FRYL: variants seen among roughly 807,000 people sequenced by gnomAD.
FRYL encodes FRY like transcription coactivator, also known as protein furry homolog-like.
In FRYL, 150 loss-of-function variants were observed where a neutral mutation model predicts 351.2. The observed-to-expected ratio is 0.43, with a 90% CI of 0.37 to 0.49. The LOEUF is 0.49. Among genes scored for constraint, FRYL ranks in the 20% least tolerant of loss-of-function variants. FRYL has a pLI of 0.00. For synonymous variants in FRYL, 1,153 were observed against 1,257.1 expected, an observed-to-expected ratio of 0.92 and a Z score of 1.75; for missense variants, 3,036 against 3,619.3, an observed-to-expected ratio of 0.84 and a Z score of 4.13.
chr4:48,535,163 A>G (rs1577988851), intron 48 of FRYL, among the ~76,000 whole-genome samples: 1 of 152,168 alleles, frequency 6.6e-6, no homozygotes, highest in Non-Finnish European at 1.5e-5. Flanking sequence ...TGTATCATCA[A>G]ACTAAAAACT....
rs563335360 is a variant in FRYL at position 48,593,825 on chromosome 4, A to G, written c.1335+105T>C. 85 of 517,174 alleles carry G rather than the reference A, an allele frequency of 1.6e-4. 1 individual carries two copies. The East Asian group carries it at 2.9e-3, about 18-fold the overall frequency. The allele number at this position is 517,174 out of a possible 1,614,324, so 32.0% of individuals were successfully genotyped here. ...TAACTTGTCCTGGATCACAGCTACT[A>G]TTAGAAGTAGAGCTGGGATTTGAAC... On this transcript the variant is annotated intron_variant, in intron 16 of 63. Coordinates refer to ENST00000358350, the MANE Select transcript of FRYL (RefSeq NM_015030.2).
chr4:48,688,064 T>A (rs1466168560), intron 2 of FRYL, among the ~76,000 whole-genome samples: 1 of 152,156 alleles, frequency 6.6e-6, no homozygotes, highest in Admixed American at 6.5e-5. Flanking sequence ...AAACTCTAAA[T>A]CTAACTTCAA....
At chr4:48,515,953 C>T (rs562404649) in intron 55 of FRYL, among the ~76,000 whole-genome samples, 36 of 152,030 alleles carry the variant, frequency 2.4e-4, no homozygotes, top group Admixed American at 1.4e-3. Context: ...CAGTATATTC[C>T]GGATATAAGT....
At chr4:48,576,296 C>A in intron 23 of FRYL, 74 bp from the exon 24 acceptor site, 2 of 1,116,684 alleles carry the variant, frequency 1.8e-6, no homozygotes, top group South Asian at 1.9e-5. Context: ...TTAACTAATG[C>A]TAAATTTCTT....
intron 1 of FRYL, among the ~76,000 whole-genome samples, chr4:48,755,988 C>A (rs1773733366): frequency 6.6e-6 from 1 of 150,888 alleles, no homozygotes; most frequent in African/African-American, 2.4e-5. Context: ...AATCCCAGAA[C>A]TTTGGGAGGC....
At chr4:48,725,328 A>G (rs181858494) in intron 1 of FRYL, among the ~76,000 whole-genome samples, 85 of 152,312 alleles carry the variant, frequency 5.6e-4, no homozygotes, top group Non-Finnish European at 9.3e-4. Flanking sequence ...ACCAACTGCA[A>G]TCTTCAACAG....
chr4:48,499,424 A>C lies in FRYL; in HGVS notation c.9040T>G (p.Ter3014GlyextTer6), dbSNP rs1163532817. Residue 3014 changes from the stop codon to glycine, a stop_lost, in exon 64 of 64, where the codon TGA becomes GGA. Coordinates refer to ENST00000358350, the MANE Select transcript of FRYL (RefSeq NM_015030.2). The stretch of plus-strand genomic sequence containing the variant: ...CTTTCCTAAAGGCCTGAAGTGTCTC[A>C]GAATCCAGTGCTCACCATATTTCCC... ...PMGNMVSTGF* is the reference protein window; with the variant it reads ...PMGNMVSTGFG 3 of 1,613,758 alleles carry C rather than the reference A, an allele frequency of 1.9e-6. No individual in the cohort carries two copies. The highest frequency in any genetic ancestry group is 2.5e-6 in the Non-Finnish European group (3 of 1,179,778).
In FRYL at chr4:48,718,542, C is replaced by T. The variant is rs144652534; in HGVS notation, c.-383-7844G>A. 2.6e-4 allele frequency among the ~76,000 whole-genome samples: 39 copies of T among 151,604 alleles called. 1 individual carries two copies. Among genetic ancestry groups the T allele is most frequent in the African/African-American group, 8.7e-4 (36 of 41,458 alleles). ...TACACTACTATTATTCCATGTCACA[C>T]TCTAAAGTGTGAAAATTGACCCTAT... On this transcript the variant is annotated intron_variant, in intron 1 of 63. Coordinates refer to ENST00000358350, the MANE Select transcript of FRYL (RefSeq NM_015030.2).
intron 15 of FRYL, among the ~76,000 whole-genome samples, chr4:48,594,929 A>T (rs1490528428): frequency 6.9e-6 from 1 of 144,780 alleles, no homozygotes; most frequent in Non-Finnish European, 1.5e-5. Context: ...CTAAACTTGT[A>T]CTTCCCAGGA....
At chr4:48,577,841 A>G (rs1352003014) in intron 23 of FRYL, among the ~76,000 whole-genome samples, 1 of 151,886 alleles carries the variant, frequency 6.6e-6, no homozygotes, top group East Asian at 1.9e-4. Flanking sequence ...ACACCTCTGC[A>G]TTCCAGCCTA....
chr4:48,596,144 G>C (rs1744538994), intron 13 of FRYL, 144 bp from the exon 14 acceptor site: 3 of 558,818 alleles, frequency 5.4e-6, no homozygotes. Flanking sequence ...ATTTGGTATA[G>C]GGTAAATATA....
Position 48,619,254 on chromosome 4 carries a change from G to T in FRYL, c.411+20C>A. On this transcript the variant is annotated intron_variant, in intron 7 of 63. Transcript: ENST00000358350. The stretch of plus-strand genomic sequence containing the variant: ...GCAAAGAATAAGGAATACAGACTTT[G>T]CAGAAATAAAAGAGCTTACCTGCTT... 4 of 1,474,388 alleles carry T rather than the reference G, an allele frequency of 2.7e-6. No homozygotes were observed. The highest frequency in any genetic ancestry group is 3.8e-6 in the Non-Finnish European group (4 of 1,054,618). The allele number at this position is 1,474,388 out of a possible 1,614,324, so 91.3% of individuals were successfully genotyped here.
chr4:48,755,593 T>C (rs1483712692), intron 1 of FRYL, among the ~76,000 whole-genome samples: 1 of 152,150 alleles, frequency 6.6e-6, no homozygotes, highest in African/African-American at 2.4e-5. Context: ...CCTTATATGT[T>C]CTCCTGACCC....
chr4:48,648,277 T>C (rs778307004), intron 3 of FRYL, among the ~76,000 whole-genome samples: 1 of 152,186 alleles, frequency 6.6e-6, no homozygotes, highest in African/African-American at 2.4e-5. Context: ...CTATTTATTT[T>C]AGGATTAAGA....
intron 2 of FRYL, among the ~76,000 whole-genome samples, chr4:48,704,094 C>T (rs1031404807): frequency 2.6e-5 from 4 of 151,904 alleles, no homozygotes; most frequent in African/African-American, 9.7e-5. Context: ...ATAAATGTAA[C>T]ATTAATGAAA....
Position 48,523,012 on chromosome 4 carries a change from C to G in FRYL, c.7410G>C (p.Gln2470His). The change falls in exon 54 of 64, where the codon CAG becomes CAC. Residue 2470 changes from glutamine to histidine, a missense_variant. By Grantham distance (24) the Gln-to-His change is conservative (BLOSUM62 0). Coordinates refer to ENST00000358350, the MANE Select transcript of FRYL (RefSeq NM_015030.2). ...KGDTPSLQEY[Q>H]CSSSTPSLNL... Reference sequence around the variant, plus strand: ...TCAGGCTGGGGGTGCTACTAGAGCACTGGTACTCCTGGAGGGATGGAGTGT... The same window carrying G: ...TCAGGCTGGGGGTGCTACTAGAGCAGTGGTACTCCTGGAGGGATGGAGTGT... 1 of 1,613,820 alleles carries G rather than the reference C, an allele frequency of 6.2e-7. No individual in the cohort carries two copies. The highest frequency in any genetic ancestry group is 1.1e-5 in the South Asian group (1 of 91,074).
rs1357273611 is a variant in FRYL, at chr4:48,763,228, G to A, written c.-384+16850C>T. 2.0e-5 allele frequency among the ~76,000 whole-genome samples: 3 copies of A among 151,988 alleles called. No homozygotes were observed. In the East Asian group the frequency reaches 5.8e-4, roughly 29 times the overall value. On this transcript the variant is annotated intron_variant, in intron 1 of 63. Transcript: ENST00000358350. ...CTAATTCCAAGCACTTTGAGAGGCT[G>A]AGGCAGGAGGATTGCTTGAGGCCAA...
intron 3 of FRYL, among the ~76,000 whole-genome samples, chr4:48,671,292 C>T (rs1762621520): frequency 6.6e-6 from 1 of 152,080 alleles, no homozygotes; most frequent in African/African-American, 2.4e-5. Flanking sequence ...TACTGTTGCA[C>T]GAACTTCTTA....
In FRYL at chr4:48,595,990, G is replaced by T; in HGVS notation, c.1046C>A (p.Pro349Gln). The change falls in exon 14 of 64, where the codon CCG becomes CAG. Residue 349 changes from proline to glutamine, a missense_variant. This residue lies in a region of FRYL where 457 missense variants were observed against 566.6 expected (regional missense o/e 0.81). Transcript: ENST00000358350. ...TTCCAGTGCAACTCGAGACATTTTC[G>T]GATCTTTATTCTGTTTTAAAACAAA... ...NCLSHLKNKD[P>Q]KMSRVALESL... The T allele has an allele frequency of 6.3e-7, 1 of 1,590,794 alleles. No homozygotes were observed. Among genetic ancestry groups the T allele is most frequent in the East Asian group, 2.3e-5 (1 of 44,138 alleles).
Sources: allele counts gnomAD v4.1 joint callset (sites outside exome capture counted in the v4.1 genomes callset), GRCh38; gene constraint gnomAD v4.1.1; regional missense constraint gnomAD v4.1.1; transcripts MANE v1.5; gene names NCBI Gene and HGNC (gene_info 2026-07-23, HGNC 2026-07-21).